The following MAS1 variants were observed in gnomAD, a reference collection of about 807,000 sequenced individuals.
The protein encoded by MAS1 is MAS1 proto-oncogene, G protein-coupled receptor, also known as proto-oncogene Mas.
For synonymous variants in MAS1, 163 were observed against 164.2 expected (o/e 0.99, Z 0.05); for missense variants, 387 against 409.7 (o/e 0.94, Z 0.48).
Position 159,908,111 on chromosome 6 carries a change from TG to T in MAS1, c.*179del, listed in dbSNP as rs1782919857. 1 of 589,656 alleles carries T rather than the reference TG, an allele frequency of 1.7e-6. No individual in the cohort carries two copies. Among genetic ancestry groups the T allele is most frequent in the African/African-American group, 1.9e-5 (1 of 52,546 alleles). The allele number at this position is 589,656 out of a possible 1,614,324, so 36.5% of individuals were successfully genotyped here. On this transcript the variant is annotated 3_prime_UTR_variant, in exon 3 of 3. Coordinates refer to ENST00000674077, the MANE Select transcript of MAS1 (RefSeq NM_002377.4). The stretch of plus-strand genomic sequence containing the variant: ...TGTACTGTATCTTCTGGAAATGACC[TG>T]TCATTTCTGTACTTGACAAAGACTC...
At chr6:159,897,165 C>G (rs1309694341) in intron 1 of MAS1, among the ~76,000 whole-genome samples, 1 of 152,014 alleles carries the variant, frequency 6.6e-6, no homozygotes, top group Non-Finnish European at 1.5e-5. Context: ...TGAGCCACCA[C>G]CCCCGGCCGG....
rs1421652360 is a variant in MAS1, at chr6:159,916,214, C to T, written c.*8281C>T. ...GCAAATGTTAGTTATTTCTTGAGGA[C>T]GTTATGTAAAGTGATATAAGCCAGG... On this transcript the variant is annotated 3_prime_UTR_variant, in exon 3 of 3. Coordinates refer to ENST00000674077, the MANE Select transcript of MAS1 (RefSeq NM_002377.4). The T allele has an allele frequency of 6.6e-6, 1 of 152,156 alleles. No homozygotes were observed. Among genetic ancestry groups the T allele is most frequent in the Non-Finnish European group, 1.5e-5 (1 of 68,052 alleles). 9.4% of individuals were successfully genotyped at this position (152,156 alleles called of 1,614,324 possible).
intron 1 of MAS1, among the ~76,000 whole-genome samples, chr6:159,896,848 G>A (rs895118288): frequency 6.8e-6 from 1 of 147,600 alleles, no homozygotes; most frequent in Admixed American, 6.9e-5. Flanking sequence ...AAAATCCAGA[G>A]ACTGGGTTTT....
chr6:159,904,444 G>A (rs1022351756), intron 2 of MAS1, among the ~76,000 whole-genome samples: 1 of 152,146 alleles, frequency 6.6e-6, no homozygotes, highest in African/African-American at 2.4e-5. Flanking sequence ...TCAGCAAATG[G>A]CTAAACACGT....
intron 1 of MAS1, among the ~76,000 whole-genome samples, chr6:159,892,831 C>T (rs1782716440): frequency 6.6e-6 from 1 of 152,200 alleles, no homozygotes; most frequent in African/African-American, 2.4e-5. Context: ...TTGGCATTTC[C>T]ATGAGACTCA....
At chr6:159,892,372 C>G (rs750925776) in intron 1 of MAS1, among the ~76,000 whole-genome samples, 1 of 152,138 alleles carries the variant, frequency 6.6e-6, no homozygotes, top group Non-Finnish European at 1.5e-5. Context: ...TTTAAGTTGC[C>G]TGGGAACAAC....
chr6:159,891,576 A>T (rs1782699392), intron 1 of MAS1, among the ~76,000 whole-genome samples: 1 of 152,176 alleles, frequency 6.6e-6, no homozygotes, highest in African/African-American at 2.4e-5. Context: ...TCACTTGGCT[A>T]TCAGCTCTTT....
chr6:159,890,932 G>A (rs1178911247), upstream of MAS1, among the ~76,000 whole-genome samples: 4 of 152,330 alleles, frequency 2.6e-5, no homozygotes, highest in East Asian at 1.9e-4. Context: ...GCTGATAAGC[G>A]TGGGACCATC....
At chr6:159,889,223 T>A (rs1403777487), upstream of MAS1, among the ~76,000 whole-genome samples, 2 of 152,234 alleles carry the variant, frequency 1.3e-5, no homozygotes, top group Non-Finnish European at 2.9e-5. Flanking sequence ...CTTGTTGTCC[T>A]CTGCCCGTGT....
At chr6:159,896,158 A>C (rs1782751867) in intron 1 of MAS1, among the ~76,000 whole-genome samples, 1 of 136,968 alleles carries the variant, frequency 7.3e-6, no homozygotes, top group Non-Finnish European at 1.7e-5. Context: ...AAAATACAAA[A>C]ACTCAGCTGG....
Position 159,907,724 on chromosome 6 carries a change from A to T in MAS1, c.769A>T (p.Thr257Ser). ...CCTGCTGTACTATGAGTATTGGTCG[A>T]CCTTTGGGAACCTACACCACATTTC... The part of the protein sequence containing the change: ...LYLLYYEYWS[T>S]FGNLHHISLL... Residue 257 changes from threonine to serine, a missense_variant, in exon 3 of 3, where the codon ACC becomes TCC. Transcript: ENST00000674077. The T allele has an allele frequency of 1.2e-6, 2 of 1,613,466 alleles. No individual in the cohort carries two copies. Among genetic ancestry groups the T allele is most frequent in the Non-Finnish European group, 1.7e-6 (2 of 1,179,924 alleles).
At chr6:159,898,688 C>G (rs1453555972) in intron 1 of MAS1, among the ~76,000 whole-genome samples, 51 of 138,104 alleles carry the variant, frequency 3.7e-4, no homozygotes, top group African/African-American at 1.4e-3. Flanking sequence ...CCTCCTCCCT[C>G]TTCCTCCTCC....
Position 159,911,452 on chromosome 6 carries a change from A to C in MAS1, c.*3519A>C, listed in dbSNP as rs1782964106. ...CAGGTTCAAGCAATTCTCCTGCCTC[A>C]GCCTCCCAAGTAGCTGGGATTACAG... On this transcript the variant is annotated 3_prime_UTR_variant, in exon 3 of 3. Coordinates refer to ENST00000674077, the MANE Select transcript of MAS1 (RefSeq NM_002377.4). The C allele has an allele frequency of 6.8e-6, 1 of 147,546 alleles. No individual in the cohort carries two copies. Among genetic ancestry groups the C allele is most frequent in the Non-Finnish European group, 1.5e-5 (1 of 68,358 alleles). The allele number at this position is 147,546 out of a possible 1,614,324, so 9.1% of individuals were successfully genotyped here.
chr6:159,897,748 G>A (rs960646860), intron 1 of MAS1, among the ~76,000 whole-genome samples: 12 of 152,198 alleles, frequency 7.9e-5, no homozygotes, highest in Admixed American at 4.6e-4. Flanking sequence ...TGCAAAGGTG[G>A]TTTCAGGGTA....
At chr6:159,900,660 A>C (rs1782811246) in intron 2 of MAS1, among the ~76,000 whole-genome samples, 2 of 152,318 alleles carry the variant, frequency 1.3e-5, no homozygotes, top group South Asian at 4.1e-4. Flanking sequence ...CTGCCTGAGT[A>C]CTGTATGTGC....
Position 159,916,429 on chromosome 6 carries a change from T to G in MAS1, c.*8496T>G, listed in dbSNP as rs1303289745. 6.6e-6 allele frequency: 1 copy of G among 152,194 alleles called. No homozygotes were observed. Among genetic ancestry groups the G allele is most frequent in the Non-Finnish European group, 1.5e-5 (1 of 68,026 alleles). The allele number at this position is 152,194 out of a possible 1,614,324, so 9.4% of individuals were successfully genotyped here. ...GTTCTGGGGATCTATTGCACAACAA[T>G]GGACATGTAGCTAACCCCACTGTAC... On this transcript the variant is annotated 3_prime_UTR_variant, in exon 3 of 3. Coordinates refer to ENST00000674077, the MANE Select transcript of MAS1 (RefSeq NM_002377.4).
upstream of MAS1, among the ~76,000 whole-genome samples, chr6:159,889,560 A>T (rs1324968): frequency 3.5e-3 from 533 of 152,122 alleles, 2 homozygotes; most frequent in African/African-American, 0.011. Flanking sequence ...CGTGGGTCTG[A>T]TCCTTTCCCA....
At chr6:159,906,884 C>A in intron 2 of MAS1, 36 bp from the exon 3 acceptor site, 2 of 1,448,108 alleles carry the variant, frequency 1.4e-6, no homozygotes, top group South Asian at 1.4e-5. Flanking sequence ...ATTTTCATGG[C>A]TTTTTGTGTT....
upstream of MAS1, among the ~76,000 whole-genome samples, chr6:159,888,871 T>C (rs1214890893): frequency 6.6e-6 from 1 of 152,190 alleles, no homozygotes; most frequent in Non-Finnish European, 1.5e-5. Context: ...AGCACAGAAA[T>C]AGCCAACCTA....
Sources: gnomAD v4.1 joint callset for allele counts (sites outside exome capture counted in the v4.1 genomes callset) on GRCh38, gnomAD v4.1.1 for gene constraint, MANE v1.5 for transcripts, NCBI Gene and HGNC (gene_info 2026-07-23, HGNC 2026-07-21) for gene names.